ZNF536: variants seen among roughly 807,000 people sequenced by gnomAD.
ZNF536 encodes the protein zinc finger protein 536.
In ZNF536, 13 loss-of-function variants were observed where a neutral mutation model predicts 84.5. The observed-to-expected ratio is 0.15, with a 90% CI of 0.10 to 0.24. The LOEUF is 0.24. ZNF536 is among the 10% of genes least tolerant of loss of function. The pLI, the probability that ZNF536 is intolerant of heterozygous loss-of-function variation, is 1.00. For synonymous variants in ZNF536, 811 were observed against 742.5 expected (o/e 1.09, Z -1.50); for missense variants, 1,536 against 1,747.5 (o/e 0.88, Z 2.16).
intron 2 of ZNF536, among the ~76,000 whole-genome samples, chr19:30,302,030 T>G (rs1226231609): frequency 6.6e-6 from 1 of 152,100 alleles, no homozygotes; most frequent in Non-Finnish European, 1.5e-5. Context: ...TAAATAAAGA[T>G]GTAGAGCACG....
At chr19:30,443,089 T>C (rs1475281360) in intron 1 of ZNF536, among the ~76,000 whole-genome samples, 1 of 150,626 alleles carries the variant, frequency 6.6e-6, no homozygotes, top group African/African-American at 2.4e-5. Context: ...CTCTTTCATC[T>C]CAGACTGGTG....
chr19:30,565,430 G>A (rs371280626), intron 1 of ZNF536, among the ~76,000 whole-genome samples: 3 of 152,262 alleles, frequency 2.0e-5, no homozygotes, highest in East Asian at 3.9e-4. Flanking sequence ...GAAGCCCGCA[G>A]GTCTGCCAGG....
chr19:30,667,361 C>A (rs975146455), intron 1 of ZNF536, among the ~76,000 whole-genome samples: 2 of 152,160 alleles, frequency 1.3e-5, no homozygotes, highest in African/African-American at 4.8e-5. Flanking sequence ...GGGTTAGTGC[C>A]TGGTTGGCCC....
At chr19:30,635,924 G>C (rs1050319541) in intron 1 of ZNF536, among the ~76,000 whole-genome samples, 1 of 152,228 alleles carries the variant, frequency 6.6e-6, no homozygotes, top group Non-Finnish European at 1.5e-5. Flanking sequence ...TGTGGCTGCA[G>C]GCTCTCCCCG....
chr19:30,356,027 C>T (rs891919243), intron 3 of ZNF536, among the ~76,000 whole-genome samples: 1 of 152,190 alleles, frequency 6.6e-6, no homozygotes, highest in Admixed American at 6.5e-5. Context: ...GTGCCTGGCC[C>T]AGAGTGCCAC....
chr19:30,301,017 T>A lies in ZNF536; in HGVS notation c.-120+16876T>A, dbSNP rs529865045. ...GCTGGGTCCTTTCCAGCTCAGTGAT[T>A]CCATAAAATGCTGGATCATCAGGGG... On this transcript the variant is annotated intron_variant, in intron 2 of 5. Transcript: ENST00000585628. 1.1e-4 allele frequency among the ~76,000 whole-genome samples: 16 copies of A among 152,338 alleles called. 2 individuals are homozygous for A. The South Asian group carries it at 3.3e-3, about 32-fold the overall frequency.
intron 1 of ZNF536, among the ~76,000 whole-genome samples, chr19:30,277,736 T>G (rs1274914848): frequency 6.6e-6 from 1 of 152,228 alleles, no homozygotes; most frequent in Non-Finnish European, 1.5e-5. Context: ...GTGTCCGTTG[T>G]GGGACCCTGT....
In ZNF536 at chr19:30,557,678, T is replaced by C. The variant is rs1223244128; in HGVS notation, c.*514T>C. On this transcript the variant is annotated 3_prime_UTR_variant, in exon 5 of 5. Coordinates refer to ENST00000355537, the MANE Select transcript of ZNF536 (RefSeq NM_014717.3). Reference sequence around the variant, plus strand: ...TTTCTCCATAGTATTTAAGCAGAAATATTGCTAGTTTAATATTGTGTCAGG... The same window carrying C: ...TTTCTCCATAGTATTTAAGCAGAAACATTGCTAGTTTAATATTGTGTCAGG... 6.6e-6 allele frequency: 1 copy of C among 152,322 alleles called. No homozygotes were observed. Among genetic ancestry groups the C allele is most frequent in the African/African-American group, 2.4e-5 (1 of 41,434 alleles). The allele number at this position is 152,322 out of a possible 1,614,324, so 9.4% of individuals were successfully genotyped here. A position where few individuals can be genotyped will look rare whatever the true frequency, so the allele number is the denominator to read the frequency against.
At chr19:30,430,718 A>C (rs928852601) in intron 1 of ZNF536, among the ~76,000 whole-genome samples, 13 of 152,190 alleles carry the variant, frequency 8.5e-5, no homozygotes, top group Admixed American at 2.0e-4. Context: ...TCTTTCACCC[A>C]GGCTAGAGTG....
intron 3 of ZNF536, among the ~76,000 whole-genome samples, chr19:30,546,266 C>A (rs1280463012): frequency 6.6e-6 from 1 of 152,222 alleles, no homozygotes; most frequent in Non-Finnish European, 1.5e-5. Flanking sequence ...ATTCTCTGTG[C>A]CTTTACCCCA....
intron 2 of ZNF536, among the ~76,000 whole-genome samples, chr19:30,493,344 TGCCCATGCAGAGAACGAGGTAACAA>T (rs1352373698): frequency 6.6e-6 from 1 of 152,150 alleles, no homozygotes; most frequent in East Asian, 1.9e-4. Context: ...GAAACAGGCA[TGCCCATGCAGAGAACGAGGTAACAA>T]GGCAGTAGGC....
intron 1 of ZNF536, among the ~76,000 whole-genome samples, chr19:30,238,931 T>G (rs1482792132): frequency 6.6e-6 from 1 of 152,160 alleles, no homozygotes; most frequent in African/African-American, 2.4e-5. Flanking sequence ...AGCCTAACAC[T>G]TAAGCATGAA....
chr19:30,521,022 C>T (rs1387182215), intron 2 of ZNF536, among the ~76,000 whole-genome samples: 1 of 152,218 alleles, frequency 6.6e-6, no homozygotes, highest in Non-Finnish European at 1.5e-5. Context: ...CCCATTGCCT[C>T]ATGAAGCACT....
At chr19:30,584,094 T>C (rs981683376) in intron 1 of ZNF536, among the ~76,000 whole-genome samples, 10 of 152,306 alleles carry the variant, frequency 6.6e-5, no homozygotes, top group African/African-American at 2.4e-4. Flanking sequence ...TCATCCCTGC[T>C]ACTTTTCTCA....
chr19:30,250,066 C>T (rs2024518721), intron 1 of ZNF536, among the ~76,000 whole-genome samples: 1 of 152,174 alleles, frequency 6.6e-6, no homozygotes, highest in African/African-American at 2.4e-5. Flanking sequence ...GTGCTGTTCT[C>T]CAGGCAGTCA....
intron 1 of ZNF536, among the ~76,000 whole-genome samples, chr19:30,680,118 G>A (rs1022710357): frequency 1.3e-5 from 2 of 152,144 alleles, no homozygotes; most frequent in Admixed American, 1.3e-4. Flanking sequence ...GGAGGCCGGA[G>A]ATGACAATCC....
intron 1 of ZNF536, among the ~76,000 whole-genome samples, chr19:30,695,477 C>G (rs12052160): frequency 6.6e-6 from 1 of 152,106 alleles, no homozygotes; most frequent in African/African-American, 2.4e-5. Flanking sequence ...TGGAGCTCTG[C>G]AGACTGGGTC....
chr19:30,346,794 T>G (rs1236113257), intron 2 of ZNF536, among the ~76,000 whole-genome samples: 1 of 152,256 alleles, frequency 6.6e-6, no homozygotes, highest in Non-Finnish European at 1.5e-5. Context: ...TAAATAATGC[T>G]GCAATGAACA....
intron 3 of ZNF536, among the ~76,000 whole-genome samples, chr19:30,539,537 C>T (rs548681270): frequency 1.3e-5 from 2 of 152,324 alleles, no homozygotes; most frequent in African/African-American, 4.8e-5. Context: ...TTAACCATCA[C>T]AGAAATACAT....
Sources: gnomAD v4.1 joint callset for allele counts (sites outside exome capture counted in the v4.1 genomes callset) on GRCh38, gnomAD v4.1.1 for gene constraint, MANE v1.5 for transcripts, NCBI Gene and HGNC (gene_info 2026-07-23, HGNC 2026-07-21) for gene names.